IL1RAPL1: variants seen among roughly 807,000 people sequenced by gnomAD.
IL1RAPL1 encodes interleukin-1 receptor accessory protein-like 1.
A neutral mutation model predicts 48.4 loss-of-function variants in IL1RAPL1; 3 were observed. The observed-to-expected ratio is 0.06, with a 90% confidence interval of 0.03 to 0.16. The LOEUF is 0.16. Ranked by LOEUF, IL1RAPL1 falls within the 10% of genes least tolerant of loss-of-function variation. IL1RAPL1 has a pLI of 1.00. For missense variants in IL1RAPL1, 349 were observed against 530.6 expected, an observed-to-expected ratio of 0.66 and a Z score of 3.36; for synonymous variants, 185 against 187.7, an observed-to-expected ratio of 0.99 and a Z score of 0.12.
intron 1 of IL1RAPL1, among the ~76,000 whole-genome samples, chrX:28,779,315 A>G (rs12838946): frequency 2.9e-3 from 325 of 110,265 alleles, no homozygotes; most frequent in Non-Finnish European, 5.1e-3. Flanking sequence ...AATCTGAGAG[A>G]AAGACCTAGT....
chrX:29,384,918 CA>C (rs1382507830), intron 3 of IL1RAPL1, among the ~76,000 whole-genome samples: 2 of 111,470 alleles, frequency 1.8e-5, no homozygotes, highest in Non-Finnish European at 3.8e-5. Context: ...ACATAGAGGG[CA>C]ATGAAATGAG....
At chrX:28,921,618 A>G (rs954514884) in intron 2 of IL1RAPL1, among the ~76,000 whole-genome samples, 1 of 111,735 alleles carries the variant, frequency 8.9e-6, no homozygotes, top group Non-Finnish European at 1.9e-5. Context: ...CTAGATTCAA[A>G]CTACAAAGAA....
At chrX:29,580,420 G>A (rs1922925653) in intron 5 of IL1RAPL1, among the ~76,000 whole-genome samples, 1 of 111,281 alleles carries the variant, frequency 9.0e-6, no homozygotes, top group Admixed American at 9.6e-5. Flanking sequence ...TACTGGACAG[G>A]ATAGCTTGTG....
chrX:28,729,733 C>T (rs904154102), intron 1 of IL1RAPL1, among the ~76,000 whole-genome samples: 1 of 111,450 alleles, frequency 9.0e-6, no homozygotes, highest in Non-Finnish European at 1.9e-5. Flanking sequence ...TGTGGTGGCT[C>T]ATGCCTGTAA....
intron 5 of IL1RAPL1, among the ~76,000 whole-genome samples, chrX:29,646,502 GA>G (rs1925329702): frequency 9.0e-6 from 1 of 111,126 alleles, no homozygotes; most frequent in African/African-American, 3.3e-5. Flanking sequence ...CATTTAAGAG[GA>G]AACAAAGGAA....
intron 2 of IL1RAPL1, among the ~76,000 whole-genome samples, chrX:28,895,151 A>G (rs1034129579): frequency 3.6e-5 from 4 of 110,273 alleles, no homozygotes; most frequent in African/African-American, 9.9e-5. Flanking sequence ...TGAGGATAGG[A>G]GAGTATATGG....
At chrX:29,430,403 GT>G (rs2147711500) in intron 5 of IL1RAPL1, among the ~76,000 whole-genome samples, 1 of 111,455 alleles carries the variant, frequency 9.0e-6, no homozygotes, top group South Asian at 3.8e-4. Flanking sequence ...AGGTTTAACT[GT>G]GTTTCTGACT....
At chrX:29,803,593 G>A (rs1223753447) in intron 6 of IL1RAPL1, among the ~76,000 whole-genome samples, 3 of 101,053 alleles carry the variant, frequency 3.0e-5, no homozygotes, top group African/African-American at 3.6e-5. Flanking sequence ...ATCCATATAT[G>A]TGTGTGTATA....
At chrX:28,592,987 A>T (rs2146874600) in intron 1 of IL1RAPL1, among the ~76,000 whole-genome samples, 1 of 112,212 alleles carries the variant, frequency 8.9e-6, no homozygotes, top group African/African-American at 3.2e-5. Flanking sequence ...GTATGAATGT[A>T]GACAGGCTTG....
chrX:29,240,195 C>CACATATATATATATATATATAT (rs1555979978), intron 2 of IL1RAPL1, among the ~76,000 whole-genome samples: 4 of 27,226 alleles, frequency 1.5e-4, no homozygotes, highest in African/African-American at 8.3e-4. Flanking sequence ...CACACACACA[C>CACATATATATATATATATATAT]ATATATATAT....
chrX:28,910,786 A>G (rs1923342200), intron 2 of IL1RAPL1, among the ~76,000 whole-genome samples: 1 of 108,660 alleles, frequency 9.2e-6, no homozygotes, highest in Non-Finnish European at 1.9e-5. Context: ...AAAAAAAAAC[A>G]CGTGAGGTCT....
At chrX:29,744,230 A>C (rs986497403) in intron 6 of IL1RAPL1, among the ~76,000 whole-genome samples, 4 of 112,007 alleles carry the variant, frequency 3.6e-5, no homozygotes, top group Admixed American at 1.9e-4. Flanking sequence ...GCTTTGTAGG[A>C]GTGCTATTGT....
At chrX:29,375,465 G>A (rs1480548042) in intron 3 of IL1RAPL1, among the ~76,000 whole-genome samples, 6 of 111,278 alleles carry the variant, frequency 5.4e-5, no homozygotes, top group Non-Finnish European at 9.4e-5. Flanking sequence ...TAGGCCCAGC[G>A]CAATTGTTTT....
chrX:29,076,185 T>C (rs1423630367), intron 2 of IL1RAPL1, among the ~76,000 whole-genome samples: 1 of 112,195 alleles, frequency 8.9e-6, no homozygotes, highest in Non-Finnish European at 1.9e-5. Flanking sequence ...TCTTTCATAC[T>C]CATTGTTTCT....
At chrX:29,576,901 A>C (rs1048246823) in intron 5 of IL1RAPL1, among the ~76,000 whole-genome samples, 40 of 100,239 alleles carry the variant, frequency 4.0e-4, no homozygotes, top group African/African-American at 1.6e-3. Flanking sequence ...GTTGGTTACA[A>C]AAAAAAAATC....
At chrX:28,906,830 C>T (rs375254300) in intron 2 of IL1RAPL1, among the ~76,000 whole-genome samples, 5 of 111,596 alleles carry the variant, frequency 4.5e-5, no homozygotes, top group African/African-American at 9.8e-5. Context: ...AAGTCTACAA[C>T]GTAAGTCTAA....
At chrX:28,735,683 G>C (rs1432281085) in intron 1 of IL1RAPL1, among the ~76,000 whole-genome samples, 1 of 110,114 alleles carries the variant, frequency 9.1e-6, no homozygotes, top group Non-Finnish European at 1.9e-5. Context: ...GAGGCAGGAA[G>C]ATTGCTTGAG....
intron 2 of IL1RAPL1, among the ~76,000 whole-genome samples, chrX:29,198,536 C>T (rs1930490343): frequency 9.0e-6 from 1 of 110,696 alleles, no homozygotes; most frequent in Admixed American, 9.7e-5. Context: ...CCTCATGATC[C>T]ACCCACCTCT....
intron 3 of IL1RAPL1, among the ~76,000 whole-genome samples, chrX:29,336,983 G>A (rs1933005020): frequency 9.0e-6 from 1 of 110,842 alleles, no homozygotes; most frequent in African/African-American, 3.3e-5. Flanking sequence ...ACACTTTGGA[G>A]GAGAAAGGGG....
Sources: allele counts gnomAD v4.1 joint callset (sites outside exome capture counted in the v4.1 genomes callset), GRCh38; gene constraint gnomAD v4.1.1; transcripts MANE v1.5; gene names NCBI Gene and HGNC (gene_info 2026-07-23, HGNC 2026-07-21).